The following CRYZL1 variants were observed in gnomAD, a reference collection of about 807,000 sequenced individuals.
The protein encoded by CRYZL1 is ferry endosomal RAB5 effector complex subunit 4.
Under a neutral mutation model 50.6 loss-of-function variants are expected in CRYZL1, and 34 were observed. The ratio of observed to expected loss-of-function variants is 0.67; its 90% CI spans 0.51 to 0.89. The LOEUF is 0.89. CRYZL1 is among the 40% of genes least tolerant of loss of function. The probability of loss-of-function intolerance (pLI) is 0.00; values close to 1 mark genes in which losing one functional copy is unlikely to be tolerated. For synonymous variants in CRYZL1, 125 were observed against 134.3 expected, an observed-to-expected ratio of 0.93 and a Z score of 0.48; for missense variants, 354 against 402.3, an observed-to-expected ratio of 0.88 and a Z score of 1.03.
At chr21:33,618,978 A>G (rs1283056713) in intron 4 of CRYZL1, among the ~76,000 whole-genome samples, 1 of 152,196 alleles carries the variant, frequency 6.6e-6, no homozygotes, top group Non-Finnish European at 1.5e-5. Flanking sequence ...TTTCTCAAAT[A>G]TGTACTTTCC....
At chr21:33,631,381 G>A (rs984216684) in intron 2 of CRYZL1, 105 bp downstream of exon 2, 8 of 733,152 alleles carry the variant, frequency 1.1e-5, no homozygotes, top group Non-Finnish European at 1.7e-5. Context: ...TTTCATTTGA[G>A]TAATTTTGTT....
At chr21:33,637,866 C>T (rs533200503) in intron 1 of CRYZL1, among the ~76,000 whole-genome samples, 2 of 151,338 alleles carry the variant, frequency 1.3e-5, no homozygotes, top group African/African-American at 4.9e-5. Flanking sequence ...CCTGTATGCT[C>T]AACCTGGTCA....
rs940544395 is a variant in CRYZL1, at chr21:33,603,480, A to G, written c.389T>C (p.Val130Ala). Residue 130 changes from valine to alanine, a missense_variant, in exon 7 of 13, where the codon GTG becomes GCG. Transcript: ENST00000381554. Reference sequence around the variant, plus strand: ...ATAATGCAGAGCTGTATAGGCACGCACTCCATCCCGAATGCTTCCTGCTGC... The same window carrying G: ...ATAATGCAGAGCTGTATAGGCACGCGCTCCATCCCGAATGCTTCCTGCTGC... Reference protein sequence around the residue: ...TEAAGSIRDGVRAYTALHYLS... With the variant: ...TEAAGSIRDGARAYTALHYLS... 3.0e-5 allele frequency: 48 copies of G among 1,613,918 alleles called. No individual in the cohort carries two copies. The highest frequency in any genetic ancestry group is 4.0e-5 in the Non-Finnish European group (47 of 1,180,004).
intron 3 of CRYZL1, among the ~76,000 whole-genome samples, chr21:33,623,032 C>T (rs1306556059): frequency 6.9e-6 from 1 of 145,462 alleles, no homozygotes; most frequent in East Asian, 2.0e-4. Context: ...GTGGTGTGAT[C>T]TCGGCTCACT....
rs568389041 is a variant in CRYZL1, at chr21:33,601,005, C to T, written c.577+1229G>A. On this transcript the variant is annotated intron_variant, in intron 8 of 12. Coordinates refer to ENST00000381554, the MANE Select transcript of CRYZL1 (RefSeq NM_145858.3). ...AGGCTGGAGTGCACTGACACGATCT[C>T]GGCTCACTGCAACCTCCACCTCCCA... is the stretch of plus-strand genomic sequence containing the variant. 8.7e-4 allele frequency among the ~76,000 whole-genome samples: 125 copies of T among 143,024 alleles called. 2 individuals are homozygous for T. The highest frequency in any genetic ancestry group is 5.6e-3 in the Admixed American group (76 of 13,642). 93.8% of individuals were successfully genotyped at this position (143,024 alleles called of 152,430 possible).
chr21:33,628,281 G>A (rs1289765247), intron 2 of CRYZL1, among the ~76,000 whole-genome samples: 2 of 152,072 alleles, frequency 1.3e-5, no homozygotes, highest in African/African-American at 4.8e-5. Flanking sequence ...GGTCAAGATG[G>A]CTTTTGCTAT....
chr21:33,602,403 T>C (rs2086766439), intron 7 of CRYZL1, 58 bp from the exon 8 acceptor site: 2 of 681,750 alleles, frequency 2.9e-6, no homozygotes, highest in Admixed American at 2.4e-5. Context: ...CCATATCGAA[T>C]TGATTTCTTT....
intron 1 of CRYZL1, among the ~76,000 whole-genome samples, chr21:33,634,047 A>G (rs1289411561): frequency 6.6e-6 from 1 of 152,224 alleles, no homozygotes; most frequent in Admixed American, 6.5e-5. Flanking sequence ...AACAGAAATG[A>G]ATACACATTC....
rs774782177 is a variant in CRYZL1 at position 33,602,251 on chromosome 21, C to A, written c.560G>T (p.Arg187Ile). Residue 187 changes from arginine to isoleucine, a missense_variant, in exon 8 of 13, where the codon AGA becomes ATA. By Grantham distance (97) the Arg-to-Ile change is moderately conservative. Coordinates refer to ENST00000381554, the MANE Select transcript of CRYZL1 (RefSeq NM_145858.3). ...CSLEDKQCLE[R>I]FRPPIARVID... ...TTACCCACCTATGGGAGGTCTGAAT[C>A]TTTCAAGGCACTGCTTATCTTCAAG... 1 of 1,599,142 alleles carries A rather than the reference C, an allele frequency of 6.3e-7. No homozygotes were observed. The highest frequency in any genetic ancestry group is 1.7e-5 in the Admixed American group (1 of 59,986).
chr21:33,630,587 A>AT lies in CRYZL1; in HGVS notation c.66+898dup, dbSNP rs573615428. 5.1e-3 allele frequency among the ~76,000 whole-genome samples: 773 copies of AT among 150,918 alleles called. 10 individuals carry two copies. Among genetic ancestry groups the AT allele is most frequent in the African/African-American group, 0.018 (729 of 41,310 alleles). Reference sequence around the variant, plus strand: ...GGCAACAGAGTGAGACTCTGTCGCAATTAAAAAAAAAAAAAAAGAACTATC... The same window carrying AT: ...GGCAACAGAGTGAGACTCTGTCGCAATTTAAAAAAAAAAAAAAAGAACTATC... On this transcript the variant is annotated intron_variant, in intron 2 of 12. Coordinates refer to ENST00000381554, the MANE Select transcript of CRYZL1 (RefSeq NM_145858.3).
At chr21:33,638,693 T>C (rs1208071216) in intron 1 of CRYZL1, among the ~76,000 whole-genome samples, 1 of 152,250 alleles carries the variant, frequency 6.6e-6, no homozygotes, top group Non-Finnish European at 1.5e-5. Context: ...CCTGTTATTA[T>C]ATAAGATGGG....
intron 1 of CRYZL1, among the ~76,000 whole-genome samples, chr21:33,637,788 T>TAC (rs1555834479): frequency 0.012 from 1,429 of 117,142 alleles, 25 homozygotes; most frequent in African/African-American, 0.033. Flanking sequence ...TATATATATA[T>TAC]ACACACACAC....
intron 6 of CRYZL1, among the ~76,000 whole-genome samples, chr21:33,605,163 G>T (rs1263422291): frequency 6.6e-6 from 1 of 151,928 alleles, no homozygotes; most frequent in Non-Finnish European, 1.5e-5. Context: ...TTTTTCTATT[G>T]TTTTGTCTTT....
At chr21:33,620,673 A>G (rs575391142) in intron 4 of CRYZL1, among the ~76,000 whole-genome samples, 1 of 152,006 alleles carries the variant, frequency 6.6e-6, no homozygotes, top group East Asian at 1.9e-4. Context: ...TTTGCCAGGC[A>G]TGGTGATGAG....
rs560402769 is a variant in CRYZL1, at chr21:33,593,138, G to C, written c.905-1931C>G. Among the ~76,000 whole-genome samples the C allele has an allele frequency of 6.6e-5, 10 of 151,608 alleles. No homozygotes were observed. The East Asian group carries it at 1.9e-3, about 29-fold the overall frequency. On this transcript the variant is annotated intron_variant, in intron 11 of 12. Coordinates refer to ENST00000381554, the MANE Select transcript of CRYZL1 (RefSeq NM_145858.3). ...TTCTTTTTTTTTGAGACGGAGTCTC[G>C]CTATGTTGCCCAGGCTGGAGTGCAG... is the stretch of plus-strand genomic sequence containing the variant.
chr21:33,612,287 ATTT>A (rs890783134), intron 6 of CRYZL1, among the ~76,000 whole-genome samples: 1 of 138,744 alleles, frequency 7.2e-6, no homozygotes, highest in Non-Finnish European at 1.6e-5. Flanking sequence ...TGGGATGGTC[ATTT>A]TTTTTTTTTT....
intron 5 of CRYZL1, among the ~76,000 whole-genome samples, chr21:33,614,717 G>A (rs1209970642): frequency 3.3e-5 from 5 of 151,976 alleles, no homozygotes; most frequent in African/African-American, 4.8e-5. Flanking sequence ...GATTACAGGC[G>A]TGCACCACCA....
At position 33,599,244 on chromosome 21, in the gene CRYZL1, T is replaced by C; in HGVS notation, c.582A>G (p.Arg194=). 1 of 1,613,722 alleles carries C rather than the reference T, an allele frequency of 6.2e-7. No individual in the cohort carries two copies. The highest frequency in any genetic ancestry group is 8.5e-7 in the Non-Finnish European group (1 of 1,179,734). ...CTTTCCCATTAGATACATCAATCAC[T>C]CGGGCTGTAAAGGACAGGAAATCAG... The part of the protein sequence containing the change: ...CLERFRPPIA[R]VIDVSNGKVH... Residue 194 remains arginine (R), a synonymous_variant, in exon 9 of 13, where the codon CGA becomes CGG. Coordinates refer to ENST00000381554, the MANE Select transcript of CRYZL1 (RefSeq NM_145858.3).
chr21:33,615,256 G>A (rs1283504538), intron 5 of CRYZL1, among the ~76,000 whole-genome samples: 1 of 148,530 alleles, frequency 6.7e-6, no homozygotes. Flanking sequence ...AGGCTCAGGC[G>A]ATCTCCCACC....
Sources: gnomAD v4.1 joint callset for allele counts (sites outside exome capture counted in the v4.1 genomes callset) on GRCh38, gnomAD v4.1.1 for gene constraint, MANE v1.5 for transcripts, NCBI Gene and HGNC (gene_info 2026-07-23, HGNC 2026-07-21) for gene names.